POLD3: variants seen among roughly 807,000 people sequenced by gnomAD.
The protein encoded by POLD3 is DNA polymerase delta 3, accessory subunit.
Under a neutral mutation model 58.2 loss-of-function variants are expected in POLD3, and 19 were observed. That is an observed-to-expected ratio of 0.33 (90% CI 0.23 to 0.48). POLD3 has a LOEUF of 0.48. POLD3 is among the 20% of genes least tolerant of loss of function. The probability of loss-of-function intolerance (pLI) is 0.99; values close to 1 mark genes in which losing one functional copy is unlikely to be tolerated. For missense variants in POLD3, 504 were observed against 545.5 expected (o/e 0.92, Z 0.76); for synonymous variants, 172 against 193.5 (o/e 0.89, Z 0.92).
At chr11:74,638,712 C>A (rs1374403012) in intron 11 of POLD3, 1 of 453,524 alleles carries the variant, frequency 2.2e-6, no homozygotes, top group East Asian at 7.0e-5. Context: ...TATCTTAGAG[C>A]AACATTTCTC....
At chr11:74,656,877 T>G (rs769267782) in intron 4 of POLD3, among the ~76,000 whole-genome samples, 2 of 152,104 alleles carry the variant, frequency 1.3e-5, no homozygotes, top group Non-Finnish European at 2.9e-5. Flanking sequence ...TCTAAATAAC[T>G]ACTAGGTCAA....
intron 2 of POLD3, among the ~76,000 whole-genome samples, chr11:74,602,028 G>C (rs1350873649): frequency 6.6e-6 from 1 of 152,164 alleles, no homozygotes; most frequent in East Asian, 1.9e-4. Context: ...AACAAGAAGG[G>C]TCTTACCTGT....
intron 9 of POLD3, among the ~76,000 whole-genome samples, chr11:74,630,276 G>T (rs1239161620): frequency 6.6e-6 from 1 of 152,040 alleles, no homozygotes; most frequent in Non-Finnish European, 1.5e-5. Flanking sequence ...ATTGAAAATG[G>T]TAAGAGAGGC....
chr11:74,638,094 A>G (rs955827133), intron 11 of POLD3, among the ~76,000 whole-genome samples: 2 of 152,166 alleles, frequency 1.3e-5, no homozygotes, highest in African/African-American at 4.8e-5. Context: ...CAAAGCAGTT[A>G]AGTGGAAAAG....
chr11:74,623,202 G>A (rs1437517199), intron 7 of POLD3, among the ~76,000 whole-genome samples: 1 of 152,182 alleles, frequency 6.6e-6, no homozygotes, highest in Non-Finnish European at 1.5e-5. Flanking sequence ...GGGAGGCCGA[G>A]GCGGGCGGAT....
chr11:74,646,153 A>G (rs1256334685), downstream of POLD3, among the ~76,000 whole-genome samples: 2 of 152,024 alleles, frequency 1.3e-5, no homozygotes, highest in Non-Finnish European at 2.9e-5. Context: ...TTGTATTTTT[A>G]GTAGAGACGG....
At chr11:74,607,240 T>TTA (rs1554974446) in intron 3 of POLD3, among the ~76,000 whole-genome samples, 1 of 61,916 alleles carries the variant, frequency 1.6e-5, no homozygotes, top group African/African-American at 8.5e-5. Flanking sequence ...ATTATTATTA[T>TTA]TATATATTTA....
chr11:74,660,645 TAGTG>T (rs2033194139), intron 4 of POLD3, among the ~76,000 whole-genome samples: 1 of 152,144 alleles, frequency 6.6e-6, no homozygotes, highest in Admixed American at 6.5e-5. Flanking sequence ...GTTGTCATGA[TAGTG>T]AGTGAGTTCT....
At chr11:74,601,847 G>A (rs1407521555) in intron 2 of POLD3, among the ~76,000 whole-genome samples, 3 of 152,158 alleles carry the variant, frequency 2.0e-5, no homozygotes, top group African/African-American at 7.2e-5. Context: ...CATAGAGGAG[G>A]TGACAACTGA....
At chr11:74,610,162 A>G (rs187071904) in intron 3 of POLD3, among the ~76,000 whole-genome samples, 49 of 149,402 alleles carry the variant, frequency 3.3e-4, no homozygotes, top group South Asian at 1.9e-3. Context: ...TTTTAGGGCT[A>G]TTTATATTTC....
At chr11:74,667,492 T>C (rs2033285829) in intron 4 of POLD3, among the ~76,000 whole-genome samples, 3 of 152,162 alleles carry the variant, frequency 2.0e-5, no homozygotes, top group Non-Finnish European at 4.4e-5. Flanking sequence ...ATCGCGCCAC[T>C]GCACTCCAAC....
Position 74,629,337 on chromosome 11 carries a change from T to A in POLD3, c.1006+14T>A. Reference sequence around the variant, plus strand: ...GTGAAGATGAAGGTGGGCATTACCATTCATTTTGGGTTAGGGGGATCAATT... The same window carrying A: ...GTGAAGATGAAGGTGGGCATTACCAATCATTTTGGGTTAGGGGGATCAATT... On this transcript the variant is annotated intron_variant, in intron 9 of 11. Coordinates refer to ENST00000263681, the MANE Select transcript of POLD3 (RefSeq NM_006591.3). 6.7e-7 allele frequency: 1 copy of A among 1,486,678 alleles called. No homozygotes were observed. Among genetic ancestry groups the A allele is most frequent in the South Asian group, 1.2e-5 (1 of 86,424 alleles). 92.1% of individuals were successfully genotyped at this position (1,486,678 alleles called of 1,614,324 possible). A position where few individuals can be genotyped will look rare whatever the true frequency, so the allele number is the denominator to read the frequency against.
chr11:74,592,603 GA>G lies in POLD3; in HGVS notation c.-55del. On this transcript the variant is annotated 5_prime_UTR_variant, in exon 1 of 12. Coordinates refer to ENST00000263681, the MANE Select transcript of POLD3 (RefSeq NM_006591.3). Reference sequence around the variant, plus strand: ...GAGCAAAGACGTTTCCCGCCGGCGGGAGCTGTGGCTGTGATTGAGAGAGGGG... The same window carrying G: ...GAGCAAAGACGTTTCCCGCCGGCGGGGCTGTGGCTGTGATTGAGAGAGGGG... 2 of 1,606,286 alleles carry G rather than the reference GA, an allele frequency of 1.2e-6. No homozygotes were observed. The highest frequency in any genetic ancestry group is 1.7e-6 in the Non-Finnish European group (2 of 1,174,978).
At chr11:74,593,748 AAAACATCATGAGG>A (rs1397640397) in intron 1 of POLD3, among the ~76,000 whole-genome samples, 1 of 152,222 alleles carries the variant, frequency 6.6e-6, no homozygotes, top group Non-Finnish European at 1.5e-5. Context: ...GCCCCCAAAA[AAAACATCATGAGG>A]AAAGGGCCTG....
rs535745499 is a variant in POLD3, at chr11:74,640,779, G to T, written c.*13G>T. On this transcript the variant is annotated 3_prime_UTR_variant, in exon 12 of 12. Coordinates refer to ENST00000263681, the MANE Select transcript of POLD3 (RefSeq NM_006591.3). ...CCAGAGGAAATAAACTGCCATCTCT[G>T]GTAGATCAGAGACTTGGAGTGGTCA... 7.9e-5 allele frequency: 124 copies of T among 1,566,776 alleles called. 2 individuals are homozygous for T. The South Asian group carries it at 1.4e-3, about 18-fold the overall frequency.
intron 3 of POLD3, among the ~76,000 whole-genome samples, chr11:74,607,545 C>T (rs963428186): frequency 1.6e-4 from 24 of 151,716 alleles, no homozygotes; most frequent in African/African-American, 4.8e-4. Flanking sequence ...GGATTACAGG[C>T]GTGAGCCACC....
At chr11:74,609,530 A>G (rs1201501371) in intron 3 of POLD3, among the ~76,000 whole-genome samples, 1 of 150,334 alleles carries the variant, frequency 6.7e-6, no homozygotes, top group Non-Finnish European at 1.5e-5. Flanking sequence ...ACAGGCGTCC[A>G]CCGCCACGCC....
rs1262704483 is a variant in POLD3, at chr11:74,592,847, G to A, written c.60+129G>A. 2.0e-6 allele frequency: 3 copies of A among 1,506,802 alleles called. No individual in the cohort carries two copies. The Admixed American group carries it at 7.1e-5, about 36-fold the overall frequency. The allele number at this position is 1,506,802 out of a possible 1,614,324, so 93.3% of individuals were successfully genotyped here. On this transcript the variant is annotated intron_variant, in intron 1 of 11. Transcript: ENST00000263681. The stretch of plus-strand genomic sequence containing the variant: ...CCAGGGGAGACAGGTCCCCACGAGG[G>A]GACCTGGGCGAGCTCTGTGCCCCAG...
intron 6 of POLD3, 114 bp downstream of exon 6, chr11:74,618,918 G>T: frequency 1.1e-6 from 1 of 905,672 alleles, no homozygotes. Context: ...ATTCAGTTCT[G>T]ATTTTTCTAC....
Sources: gnomAD v4.1 joint callset for allele counts (sites outside exome capture counted in the v4.1 genomes callset) on GRCh38, gnomAD v4.1.1 for gene constraint, MANE v1.5 for transcripts, NCBI Gene and HGNC (gene_info 2026-07-23, HGNC 2026-07-21) for gene names.